The following C9 variants were observed in gnomAD, a reference collection of about 807,000 sequenced individuals.
C9 encodes complement C9.
C9 carries 63 observed loss-of-function variants against 65.4 expected under a neutral mutation model. That is an observed-to-expected ratio of 0.96 (90% CI 0.79 to 1.19). The LOEUF is 1.19. Among genes scored for constraint, C9 ranks in the 50% most tolerant of loss-of-function variants. C9 has a pLI of 0.00. For missense variants in C9, 744 were observed against 670.1 expected (o/e 1.11, Z -1.22); for synonymous variants, 229 against 227.9 (o/e 1.00, Z -0.04).
intron 5 of C9, among the ~76,000 whole-genome samples, chr5:39,323,962 A>T (rs1049178271): frequency 3.9e-5 from 6 of 152,226 alleles, no homozygotes; most frequent in African/African-American, 1.4e-4. Context: ...TAACAAATTC[A>T]GTAAAGTTGC....
intron 9 of C9, among the ~76,000 whole-genome samples, chr5:39,292,761 T>C (rs1753119261): frequency 1.3e-5 from 2 of 151,372 alleles, no homozygotes; most frequent in Non-Finnish European, 3.0e-5. Flanking sequence ...AGGGAGGATT[T>C]GGAAATATAG....
At chr5:39,319,004 T>C (rs534364330) in intron 5 of C9, among the ~76,000 whole-genome samples, 1 of 152,250 alleles carries the variant, frequency 6.6e-6, no homozygotes, top group South Asian at 2.1e-4. Flanking sequence ...CATAAGTCCC[T>C]TTTATGCTGC....
At chr5:39,288,028 A>G (rs904472035) in intron 10 of C9, among the ~76,000 whole-genome samples, 3 of 152,050 alleles carry the variant, frequency 2.0e-5, no homozygotes, top group African/African-American at 7.2e-5. Flanking sequence ...ACTTAAAAAT[A>G]CAATACAGAA....
chr5:39,309,034 A>G (rs1344299141), intron 7 of C9, among the ~76,000 whole-genome samples: 1 of 152,128 alleles, frequency 6.6e-6, no homozygotes, highest in East Asian at 1.9e-4. Flanking sequence ...TTTTCATCCT[A>G]TGAATGCTAC....
Position 39,306,642 on chromosome 5 carries a change from T to A in C9, c.1391A>T (p.Asp464Val), listed in dbSNP as rs772289124. The part of the protein sequence containing the change: ...DFVNWASSIN[D>V]APVLISQKLS... Reference sequence around the variant, plus strand: ...TTTTTGACTAATGAGAACAGGAGCATCATTTATGGAAGAGGCCCAGTTGAC... The same window carrying A: ...TTTTTGACTAATGAGAACAGGAGCAACATTTATGGAAGAGGCCCAGTTGAC... The change falls in exon 9 of 11, where the codon GAT becomes GTT. Residue 464 changes from aspartate to valine, a missense_variant. By Grantham distance (152) the Asp-to-Val change is radical. Coordinates refer to ENST00000263408, the MANE Select transcript of C9 (RefSeq NM_001737.5). The A allele has an allele frequency of 1.9e-6, 3 of 1,613,498 alleles. No homozygotes were observed. Among genetic ancestry groups the A allele is most frequent in the African/African-American group, 2.7e-5 (2 of 74,900 alleles).
At chr5:39,301,568 C>T (rs1010082769) in intron 9 of C9, among the ~76,000 whole-genome samples, 1 of 152,044 alleles carries the variant, frequency 6.6e-6, no homozygotes, top group African/African-American at 2.4e-5. Context: ...ACTATTTCTG[C>T]AATATTACTC....
At chr5:39,344,827 G>A (rs1754159186) in intron 1 of C9, among the ~76,000 whole-genome samples, 1 of 152,148 alleles carries the variant, frequency 6.6e-6, no homozygotes, top group Non-Finnish European at 1.5e-5. Flanking sequence ...AGATCTCTCG[G>A]CAGAAACTCT....
Position 39,284,455 on chromosome 5 carries a change from G to A in C9, c.*744C>T, listed in dbSNP as rs1321989110. On this transcript the variant is annotated 3_prime_UTR_variant, in exon 11 of 11. Transcript: ENST00000263408. ...CTATATAAAATTGATGTTTTTTCTTGTAAAATATGATCAAATAGAAGGAAT... is the reference window on the plus strand; with the variant it reads ...CTATATAAAATTGATGTTTTTTCTTATAAAATATGATCAAATAGAAGGAAT... The A allele has an allele frequency of 6.6e-6, 1 of 152,038 alleles. No homozygotes were observed. The highest frequency in any genetic ancestry group is 1.5e-5 in the Non-Finnish European group (1 of 68,000). 9.4% of individuals were successfully genotyped at this position (152,038 alleles called of 1,614,324 possible). A position where few individuals can be genotyped will look rare whatever the true frequency, so the allele number is the denominator to read the frequency against.
chr5:39,348,856 T>A (rs1478495617), intron 1 of C9, among the ~76,000 whole-genome samples: 2 of 152,096 alleles, frequency 1.3e-5, no homozygotes, highest in African/African-American at 4.8e-5. Context: ...AAAGGATGAG[T>A]TCATGTCCTT....
intron 1 of C9, among the ~76,000 whole-genome samples, chr5:39,349,026 TG>T (rs1347939749): frequency 8.7e-5 from 2 of 23,092 alleles, no homozygotes; most frequent in East Asian, 2.1e-3. Flanking sequence ...TGTTGTGGGG[TG>T]GGGGGGAGGG....
At chr5:39,297,539 T>C (rs539882447) in intron 9 of C9, among the ~76,000 whole-genome samples, 2 of 151,710 alleles carry the variant, frequency 1.3e-5, no homozygotes, top group Admixed American at 1.3e-4. Flanking sequence ...AGTAAAAGGA[T>C]GGAAAAAGTT....
intron 1 of C9, among the ~76,000 whole-genome samples, chr5:39,362,374 GAC>G (rs2111995345): frequency 6.6e-6 from 1 of 152,284 alleles, no homozygotes. Flanking sequence ...TGTGATGATA[GAC>G]ACATAGACTG....
At chr5:39,304,163 G>A (rs1753334908) in intron 9 of C9, among the ~76,000 whole-genome samples, 1 of 152,046 alleles carries the variant, frequency 6.6e-6, no homozygotes, top group Non-Finnish European at 1.5e-5. Context: ...GGTCATTTTG[G>A]TTAAGGTCAC....
In C9 at chr5:39,284,948, G is replaced by A. The variant is rs1409171397; in HGVS notation, c.*251C>T. The A allele has an allele frequency of 2.2e-6, 1 of 449,240 alleles. No individual in the cohort carries two copies. The highest frequency in any genetic ancestry group is 2.0e-5 in the African/African-American group (1 of 49,920). The allele number at this position is 449,240 out of a possible 1,614,324, so 27.8% of individuals were successfully genotyped here. A position where few individuals can be genotyped will look rare whatever the true frequency, so the allele number is the denominator to read the frequency against. ...TTAGAAGAGATTGGCATTTTCCGTG[G>A]GATAAAGCAGTTCTGGCGTATTTCA... On this transcript the variant is annotated 3_prime_UTR_variant, in exon 11 of 11. Coordinates refer to ENST00000263408, the MANE Select transcript of C9 (RefSeq NM_001737.5).
At position 39,341,276 on chromosome 5, in the gene C9, G is replaced by A. The variant is rs121909592; in HGVS notation, c.346C>T (p.Arg116Ter). 6.5e-4 allele frequency: 1,048 copies of A among 1,613,954 alleles called. 15 individuals carry two copies. In the East Asian group the frequency reaches 0.021, roughly 32 times the overall value. Reference protein sequence around the residue: ...QCSTGRCIKMRLRCNGDNDCG... With the variant: ...QCSTGRCIKM ...TCATTGTCACCATTACACCGAAGTC[G>A]CATCTTTATGCATCTGCCTGCAATC... Residue 116 changes from arginine (R) to a stop codon, truncating the protein, a stop_gained, in exon 4 of 11, where the codon CGA (arginine) becomes TGA (stop). Transcript: ENST00000263408. LOFTEE classifies it high-confidence loss of function.
At chr5:39,322,736 G>C (rs10060617) in intron 5 of C9, among the ~76,000 whole-genome samples, 17 of 152,026 alleles carry the variant, frequency 1.1e-4, no homozygotes, top group Non-Finnish European at 1.6e-4. Context: ...GGCCTGCAAT[G>C]GTTGCATTTG....
At chr5:39,347,492 A>T (rs1289082122) in intron 1 of C9, among the ~76,000 whole-genome samples, 2 of 152,238 alleles carry the variant, frequency 1.3e-5, no homozygotes, top group Non-Finnish European at 2.9e-5. Context: ...TTCAAAGAGA[A>T]CTACAAACCA....
At chr5:39,288,348 C>T (rs760475122) in intron 10 of C9, among the ~76,000 whole-genome samples, 2 of 151,598 alleles carry the variant, frequency 1.3e-5, no homozygotes, top group South Asian at 2.1e-4. Context: ...TATATGTCTA[C>T]GTCTATACAC....
At chr5:39,361,034 A>G (rs2111992810) in intron 1 of C9, among the ~76,000 whole-genome samples, 1 of 152,316 alleles carries the variant, frequency 6.6e-6, no homozygotes, top group East Asian at 1.9e-4. Context: ...GTTCATCAGT[A>G]AGAATTAATC....
Sources: allele counts gnomAD v4.1 joint callset (sites outside exome capture counted in the v4.1 genomes callset), GRCh38; gene constraint gnomAD v4.1.1; transcripts MANE v1.5; gene names NCBI Gene and HGNC (gene_info 2026-07-23, HGNC 2026-07-21).